Variants in CCDC188 observed in about 807,000 individuals in gnomAD.
CCDC188 encodes the protein coiled-coil domain containing 188, also known as coiled-coil domain-containing protein 188.
Under a neutral mutation model 50.7 loss-of-function variants are expected in CCDC188, and 37 were observed. The observed-to-expected ratio is 0.73, with a 90% CI of 0.56 to 0.96. The LOEUF is 0.96. Ranked by LOEUF, CCDC188 falls within the 40% of genes least tolerant of loss-of-function variation. The pLI, the probability that CCDC188 is intolerant of heterozygous loss-of-function variation, is 0.00. For missense variants in CCDC188, 453 were observed against 512.9 expected (o/e 0.88, Z 1.13); for synonymous variants, 208 against 228.0 (o/e 0.91, Z 0.79).
At chr22:20,150,313 G>T in intron 1 of CCDC188, 63 bp from the exon 2 acceptor site, 3 of 1,182,786 alleles carry the variant, frequency 2.5e-6, no homozygotes, top group Non-Finnish European at 3.5e-6. Context: ...TGGGGCTGGG[G>T]CAGGGGCAGG....
In CCDC188 at chr22:20,150,744, G is replaced by C. The variant is rs1165773284; in HGVS notation, c.243C>G (p.Ser81Arg). 2.6e-6 allele frequency: 4 copies of C among 1,550,072 alleles called. No homozygotes were observed. ...EGEAPGLFLS[S>R]QEQRARDTEG... Reference sequence around the variant, plus strand: ...CAGTGTCTCTCGCTCTCTGCTCCTGGCTGGACAGAAAGAGCCCGGGAGCCT... The same window carrying C: ...CAGTGTCTCTCGCTCTCTGCTCCTGCCTGGACAGAAAGAGCCCGGGAGCCT... Residue 81 changes from serine to arginine, a missense_variant, in exon 1 of 9, where the codon AGC becomes AGG. Physicochemically the swap from Ser to Arg is moderately radical, Grantham distance 110. Transcript: ENST00000439765.
At position 20,149,538 on chromosome 22, in the gene CCDC188, C is replaced by G. The variant is rs1416637136; in HGVS notation, c.849+43G>C. 3 of 1,550,098 alleles carry G rather than the reference C, an allele frequency of 1.9e-6. No homozygotes were observed. In the Admixed American group the frequency reaches 5.9e-5, roughly 30 times the overall value. ...GCCCCGCCCTCCGTGGCCTCTCGCC[C>G]GCCGGGCCCCGTCCTTCTGGGTGCT... On this transcript the variant is annotated intron_variant, in intron 5 of 8. Coordinates refer to ENST00000439765, the MANE Select transcript of CCDC188 (RefSeq NM_001365892.2).
Position 20,150,800 on chromosome 22 carries a change from C to G in CCDC188, c.187G>C (p.Ala63Pro). ...QSQRPFPVPG[A>P]GGSGPTVEGE... ...TCCACTGTGGGCCCACTGCCCCCTG[C>G]CCCTGGGACTGGGAAAGGTCTCTGG... The change falls in exon 1 of 9, where the codon GCA (alanine) becomes CCA (proline). Residue 63 changes from alanine (A) to proline (P), a missense_variant. Transcript: ENST00000439765. The G allele has an allele frequency of 1.3e-6, 2 of 1,549,540 alleles. No individual in the cohort carries two copies. The highest frequency in any genetic ancestry group is 4.9e-5 in the East Asian group (2 of 40,922).
Position 20,149,457 on chromosome 22 carries a change from C to T in CCDC188, c.869G>A (p.Arg290Gln), listed in dbSNP as rs752129812. The T allele has an allele frequency of 3.4e-5, 53 of 1,550,082 alleles. No individual in the cohort carries two copies. Among genetic ancestry groups the T allele is most frequent in the South Asian group, 5.9e-5 (5 of 84,044 alleles). Residue 290 changes from arginine to glutamine, a missense_variant, in exon 6 of 9, where the codon CGG becomes CAG. Physicochemically the swap from Arg to Gln is conservative, Grantham distance 43. Coordinates refer to ENST00000439765, the MANE Select transcript of CCDC188 (RefSeq NM_001365892.2). The stretch of plus-strand genomic sequence containing the variant: ...GTCCTCCATCTGGTCCAGCACGCCC[C>T]GGATGTCCTTCTTGAGGTTCTGGGG... The part of the protein sequence containing the change: ...TGLLNLKKDI[R>Q]GVLDQMEDIQ...
At chr22:20,150,410 G>A (rs1212293309) in intron 1 of CCDC188, 58 bp downstream of exon 1, 2 of 1,375,536 alleles carry the variant, frequency 1.5e-6, no homozygotes, top group South Asian at 1.4e-5. Context: ...CTGGGGCAGG[G>A]GTACCAGGCG....
At chr22:20,150,373 G>A in intron 1 of CCDC188, 95 bp downstream of exon 1, 1 of 1,191,460 alleles carries the variant, frequency 8.4e-7, no homozygotes, top group South Asian at 1.5e-5. Context: ...CAGGGGCAGG[G>A]GCGCCAGGTG....
intron 1 of CCDC188, 89 bp from the exon 2 acceptor site, chr22:20,150,339 G>GTGGGGCTGGGGC: frequency 1.0e-6 from 1 of 968,440 alleles, no homozygotes; most frequent in Non-Finnish European, 1.5e-6. Flanking sequence ...CAGGTGGTGG[G>GTGGGGCTGGGGC]TGGGGCTGGG....
intron 2 of CCDC188, 39 bp from the exon 3 acceptor site, chr22:20,150,098 C>T: frequency 6.5e-7 from 1 of 1,540,724 alleles, no homozygotes; most frequent in Non-Finnish European, 8.8e-7. Context: ...AGACTGCGGG[C>T]TAGAGGGGCG....
At position 20,150,546 on chromosome 22, in the gene CCDC188, G is replaced by T; in HGVS notation, c.441C>A (p.Ala147=). The change falls in exon 1 of 9, where the codon GCC becomes GCA. Residue 147 remains alanine, a synonymous_variant. Transcript: ENST00000439765. ...EGGALASPRV[A]LSQLQCGLLG... is the part of the protein sequence containing the mutation. The stretch of plus-strand genomic sequence containing the variant: ...GCAGCCCGCACTGAAGCTGGGACAG[G>T]GCTACCCTGGGCGAGGCCAGGGCCC... 1 of 1,549,084 alleles carries T rather than the reference G, an allele frequency of 6.5e-7. No individual in the cohort carries two copies. The highest frequency in any genetic ancestry group is 1.2e-5 in the South Asian group (1 of 83,970).
chr22:20,150,494 G>A lies in CCDC188; in HGVS notation c.493C>T (p.Gln165Ter). 2 of 1,546,636 alleles carry A rather than the reference G, an allele frequency of 1.3e-6. No homozygotes were observed. Among genetic ancestry groups the A allele is most frequent in the Non-Finnish European group, 1.7e-6 (2 of 1,146,594 alleles). The change falls in exon 1 of 9, where the codon CAG (glutamine) becomes TAG (stop). Residue 165 changes from glutamine (Q) to a stop codon, truncating the protein, a stop_gained. Coordinates refer to ENST00000439765, the MANE Select transcript of CCDC188 (RefSeq NM_001365892.2). LOFTEE classifies it high-confidence loss of function. ...LLGSAEQSFLQLEQENHSLKR... is the reference protein window; with the variant it reads ...LLGSAEQSFL ...AGGCTGTGGTTCTCCTGCTCCAGCT[G>A]CAGGAAGGACTGTTCTGCAGAGCCC...
chr22:20,148,811 C>G lies in CCDC188; in HGVS notation c.1023-11G>C. The G allele has an allele frequency of 6.9e-7, 1 of 1,453,686 alleles. No individual in the cohort carries two copies. The highest frequency in any genetic ancestry group is 9.1e-7 in the Non-Finnish European group (1 of 1,096,748). The allele number at this position is 1,453,686 out of a possible 1,614,324, so 90.0% of individuals were successfully genotyped here. ...CTCAGGGTCAGCAGCCTGCGGGCGG[C>G]GGTGGTCAGGGGCAGGGGCGCGCGG... On this transcript the variant is annotated splice_polypyrimidine_tract_variant and intron_variant, in intron 8 of 8. Coordinates refer to ENST00000439765, the MANE Select transcript of CCDC188 (RefSeq NM_001365892.2).
Position 20,150,151 on chromosome 22 carries a change from G to C in CCDC188, c.619C>G (p.Leu207Val). The C allele has an allele frequency of 6.5e-7, 1 of 1,547,714 alleles. No homozygotes were observed. The highest frequency in any genetic ancestry group is 8.7e-7 in the Non-Finnish European group (1 of 1,145,188). Reference sequence around the variant, plus strand: ...CTGGGCCCTGTATTTACCCAGGCCAGAGCAGTGCAGCTTGAGTGTTCGGGA... The same window carrying C: ...CTGGGCCCTGTATTTACCCAGGCCACAGCAGTGCAGCTTGAGTGTTCGGGA... ...LCPEHSSCTA[L>V]AWPPDPAGTQ... Residue 207 changes from leucine (L) to valine (V), a missense_variant, in exon 2 of 9, where the codon CTG (leucine) becomes GTG (valine). Transcript: ENST00000439765.
chr22:20,149,326 G>A, intron 6 of CCDC188, 82 bp from the exon 7 acceptor site: 1 of 1,545,604 alleles, frequency 6.5e-7, no homozygotes, highest in South Asian at 1.2e-5. Flanking sequence ...TGTGGAGGTG[G>A]GGGGTCAAGG....
chr22:20,149,661 G>A (rs1203573879), intron 4 of CCDC188, 21 bp from the exon 5 acceptor site: 6 of 1,548,936 alleles, frequency 3.9e-6, no homozygotes, highest in African/African-American at 1.4e-5. Context: ...GTGGGGTCAC[G>A]CCTGAGGAGC....
chr22:20,148,740 G>A lies in CCDC188; in HGVS notation c.1083C>T (p.Tyr361=), dbSNP rs175181. Residue 361 remains tyrosine, a synonymous_variant, in exon 9 of 9, where the codon TAC becomes TAT. Coordinates refer to ENST00000439765, the MANE Select transcript of CCDC188 (RefSeq NM_001365892.2). Reference sequence around the variant, plus strand: ...CCTCGAAAGGTGTGGGGTTCACCACGTACACGTAGGCAGCGGTCCAGACCA... The same window carrying A: ...CCTCGAAAGGTGTGGGGTTCACCACATACACGTAGGCAGCGGTCCAGACCA... ...ALLVWTAAYV[Y]VVNPTPFEGL... is the part of the protein sequence containing the mutation. 0.3 allele frequency: 448,933 copies of A among 1,508,350 alleles called. 69,697 individuals are homozygous for A. The highest frequency in any genetic ancestry group is 0.34 in the Middle Eastern group (1,964 of 5,744). 93.4% of individuals were successfully genotyped at this position (1,508,350 alleles called of 1,614,324 possible). A position where few individuals can be genotyped will look rare whatever the true frequency, so the allele number is the denominator to read the frequency against.
At chr22:20,149,683 G>T in intron 4 of CCDC188, 41 bp downstream of exon 4, 1 of 1,544,600 alleles carries the variant, frequency 6.5e-7, no homozygotes, top group Non-Finnish European at 8.7e-7. Flanking sequence ...GGACCCACTG[G>T]GTGGGCCCCC....
chr22:20,148,616 A>C lies in CCDC188; in HGVS notation c.1207T>G (p.Ter403GluextTer58). ...GCTGGGGCCGCTGGGCCTCTGGCCTAGAAGGGCAGGAAGCCGTCCACTTTG... is the reference window on the plus strand; with the variant it reads ...GCTGGGGCCGCTGGGCCTCTGGCCTCGAAGGGCAGGAAGCCGTCCACTTTG... ...RLKVDGFLPF* is the reference protein window; with the variant it reads ...RLKVDGFLPFE The change falls in exon 9 of 9, where the codon TAG becomes GAG. Residue 403 changes from the stop codon to glutamate (E), a stop_lost. Transcript: ENST00000439765. 6.5e-7 allele frequency: 1 copy of C among 1,542,132 alleles called. No homozygotes were observed. Among genetic ancestry groups the C allele is most frequent in the Non-Finnish European group, 8.7e-7 (1 of 1,143,946 alleles).
rs1310646064 is a variant in CCDC188 at position 20,149,659 on chromosome 22, AC to A, written c.790-20del. On this transcript the variant is annotated intron_variant, in intron 4 of 8. Coordinates refer to ENST00000439765, the MANE Select transcript of CCDC188 (RefSeq NM_001365892.2). ...CCCACACCTAGGGGGAGGTGGGGTC[AC>A]GCCTGAGGAGCAGGACCCACTGGGT... 3 of 1,548,974 alleles carry A rather than the reference AC, an allele frequency of 1.9e-6. No individual in the cohort carries two copies. In the Admixed American group the frequency reaches 5.9e-5, roughly 30 times the overall value.
rs2050576372 is a variant in CCDC188, at chr22:20,149,400, C to T, written c.914+12G>A. On this transcript the variant is annotated intron_variant, in intron 6 of 8. Coordinates refer to ENST00000439765, the MANE Select transcript of CCDC188 (RefSeq NM_001365892.2). The stretch of plus-strand genomic sequence containing the variant: ...CCCTGCTCAGCTGGCCCGGCCCCTG[C>T]CCCCGTGTTACCTGAGAATCTCCAG... 1 of 1,550,222 alleles carries T rather than the reference C, an allele frequency of 6.5e-7. No homozygotes were observed. Among genetic ancestry groups the T allele is most frequent in the Non-Finnish European group, 8.7e-7 (1 of 1,146,844 alleles).
Sources: allele counts gnomAD v4.1 joint callset, GRCh38; gene constraint gnomAD v4.1.1; transcripts MANE v1.5; gene names NCBI Gene and HGNC (gene_info 2026-07-23, HGNC 2026-07-21).